SEPTIN9: variants seen among roughly 807,000 people sequenced by gnomAD.
SEPTIN9 encodes the protein septin 9, also known as septin-9.
Under a neutral mutation model 56.6 loss-of-function variants are expected in SEPTIN9, and 13 were observed. The observed-to-expected ratio is 0.23, with a 90% CI of 0.15 to 0.37. The LOEUF (loss-of-function observed/expected upper bound fraction) is 0.37. Ranked by LOEUF, SEPTIN9 falls within the 10% of genes least tolerant of loss-of-function variation. SEPTIN9 has a pLI of 1.00. For synonymous variants in SEPTIN9, 332 were observed against 334.1 expected (o/e 0.99, Z 0.07); for missense variants, 650 against 823.1 (o/e 0.79, Z 2.57).
chr17:77,416,081 C>T (rs1280885710), intron 3 of SEPTIN9, among the ~76,000 whole-genome samples: 3 of 152,236 alleles, frequency 2.0e-5, no homozygotes, highest in Non-Finnish European at 4.4e-5. Context: ...CAGCCCTGCA[C>T]GTGCACAGCC....
intron 2 of SEPTIN9, among the ~76,000 whole-genome samples, chr17:77,372,506 C>T (rs2034751486): frequency 6.6e-6 from 1 of 152,220 alleles, no homozygotes; most frequent in Admixed American, 6.5e-5. Context: ...TCTGCTCACT[C>T]ACTGCCTAGC....
chr17:77,292,943 A>T (rs749401481), intron 1 of SEPTIN9, among the ~76,000 whole-genome samples: 17 of 152,090 alleles, frequency 1.1e-4, no homozygotes, highest in Non-Finnish European at 1.3e-4. Flanking sequence ...CGGTTTGTTC[A>T]TAGGGTATGT....
At position 77,449,271 on chromosome 17, in the gene SEPTIN9, G is replaced by A. The variant is rs938077474; in HGVS notation, c.722-32873G>A. Among the ~76,000 whole-genome samples, 2 of 152,130 alleles carry A rather than the reference G, an allele frequency of 1.3e-5. No homozygotes were observed. Among genetic ancestry groups the A allele is most frequent in the East Asian group, 3.8e-4 (2 of 5,196 alleles). On this transcript the variant is annotated intron_variant, in intron 3 of 11. Transcript: ENST00000427177. This position sits in a 1 kb window ranked among gnomAD's most constrained non-coding sequence, Gnocchi z 4.6. ...GTGCTGAAGGACAGAGGCTTTGTGT[G>A]GGGGATGCAGCCCCAGGCCGGAGAT...
intron 3 of SEPTIN9, among the ~76,000 whole-genome samples, chr17:77,414,703 G>A (rs1271136172): frequency 8.0e-5 from 12 of 149,940 alleles, no homozygotes; most frequent in Middle Eastern, 3.5e-3. Context: ...ATGGCCTCCC[G>A]AGTAGCTGAG....
rs1050098928 is a variant in SEPTIN9, at chr17:77,398,540, G to A, written c.77-3519G>A. On this transcript the variant is annotated intron_variant, in intron 2 of 11. Transcript: ENST00000427177. ...TGGCATGCTCGTTTGGGGGGATGGC[G>A]TGAGCCAGGGTGGGCACCTCTTCAT... is the stretch of plus-strand genomic sequence containing the variant. 4.6e-5 allele frequency among the ~76,000 whole-genome samples: 7 copies of A among 152,322 alleles called. No individual in the cohort carries two copies. The East Asian group carries it at 9.7e-4, about 21-fold the overall frequency.
intron 2 of SEPTIN9, among the ~76,000 whole-genome samples, chr17:77,372,050 A>T (rs1436576903): frequency 6.6e-6 from 1 of 152,138 alleles, no homozygotes; most frequent in African/African-American, 2.4e-5. Flanking sequence ...CCTCAGACCC[A>T]GGATGAGCTG....
chr17:77,376,268 G>A, intron 2 of SEPTIN9: 1 of 986,068 alleles, frequency 1.0e-6, no homozygotes, highest in Non-Finnish European at 1.2e-6. Flanking sequence ...GGAGGGCCAG[G>A]CATGCCCGCC....
rs1217942062 is a variant in SEPTIN9, at chr17:77,393,459, CA to C, written c.77-8599del. On this transcript the variant is annotated intron_variant, in intron 2 of 11. Transcript: ENST00000427177. ...GTAAGGCCAGGACAGCCTTGGTCAC[CA>C]GCAAGGTGACCACACATTTCAGCAT... 2.0e-5 allele frequency among the ~76,000 whole-genome samples: 3 copies of C among 152,182 alleles called. No individual in the cohort carries two copies. In the East Asian group the frequency reaches 5.8e-4, roughly 29 times the overall value.
At position 77,499,182 on chromosome 17, in the gene SEPTIN9, T is replaced by C. The variant is rs983422310; in HGVS notation, c.*524T>C. 9.2e-6 allele frequency: 5 copies of C among 540,774 alleles called. No individual in the cohort carries two copies. Among genetic ancestry groups the C allele is most frequent in the African/African-American group, 7.4e-5 (4 of 54,024 alleles). The allele number at this position is 540,774 out of a possible 1,614,324, so 33.5% of individuals were successfully genotyped here. Reference sequence around the variant, plus strand: ...CATGGTGTGGCCATCACTCAGCCCCTACCCCTGCCCTGCTCCTAAGGGTAG... The same window carrying C: ...CATGGTGTGGCCATCACTCAGCCCCCACCCCTGCCCTGCTCCTAAGGGTAG... On this transcript the variant is annotated 3_prime_UTR_variant, in exon 12 of 12. Coordinates refer to ENST00000427177, the MANE Select transcript of SEPTIN9 (RefSeq NM_001113491.2).
intron 2 of SEPTIN9, among the ~76,000 whole-genome samples, chr17:77,368,121 A>G (rs2034623608): frequency 6.6e-6 from 1 of 152,228 alleles, no homozygotes; most frequent in East Asian, 1.9e-4. Context: ...TCATAGAGAA[A>G]TTGGAATGAC....
At position 77,371,586 on chromosome 17, in the gene SEPTIN9, A is replaced by T. The variant is rs1324677562; in HGVS notation, c.77-30473A>T. On this transcript the variant is annotated intron_variant, in intron 2 of 11. Coordinates refer to ENST00000427177, the MANE Select transcript of SEPTIN9 (RefSeq NM_001113491.2). The surrounding 1 kb of genome is among the most constrained non-coding windows in gnomAD (Gnocchi z 4.1). ...GAGTTTCTTAGGTACTGGACCCCCA[A>T]ATCCCCAAATACGGCGTGGACAGGT... Among the ~76,000 whole-genome samples, 1 of 152,188 alleles carries T rather than the reference A, an allele frequency of 6.6e-6. No individual in the cohort carries two copies. The highest frequency in any genetic ancestry group is 1.5e-5 in the Non-Finnish European group (1 of 68,036).
rs886096591 is a variant in SEPTIN9, at chr17:77,470,359, C to T, written c.722-11785C>T. On this transcript the variant is annotated intron_variant, in intron 3 of 11. Transcript: ENST00000427177. ...TCATCTATCCATCCACTCATCTACC[C>T]ATCCACTTATCCATCCATCCACTCA... 2.0e-5 allele frequency among the ~76,000 whole-genome samples: 3 copies of T among 151,830 alleles called. 1 individual carries two copies. Among genetic ancestry groups the T allele is most frequent in the Admixed American group, 2.0e-4 (3 of 15,250 alleles).
At chr17:77,488,632 A>G (rs2039896207) in intron 6 of SEPTIN9, 95 bp from the exon 7 acceptor site, 1 of 1,528,782 alleles carries the variant, frequency 6.5e-7, no homozygotes, top group Non-Finnish European at 9.0e-7. Flanking sequence ...ATTTCATTGG[A>G]AGGTGGGGTG....
intron 2 of SEPTIN9, among the ~76,000 whole-genome samples, chr17:77,338,166 C>T (rs1282920120): frequency 1.3e-5 from 2 of 151,442 alleles, no homozygotes; most frequent in African/African-American, 4.9e-5. Context: ...CACTGTACTC[C>T]AGACTGGGTG....
chr17:77,482,847 A>C (rs900752946), intron 4 of SEPTIN9: 1 of 444,498 alleles, frequency 2.2e-6, no homozygotes, highest in Non-Finnish European at 4.1e-6. Context: ...GTCGATCAGC[A>C]CGACCTGGGC....
In SEPTIN9 at chr17:77,405,337, T is replaced by C. The variant is rs909107295; in HGVS notation, c.721+2634T>C. 7.2e-5 allele frequency among the ~76,000 whole-genome samples: 11 copies of C among 151,848 alleles called. No individual in the cohort carries two copies. Among genetic ancestry groups the C allele is most frequent in the African/African-American group, 2.7e-4 (11 of 41,288 alleles). ...AGTGTCCAGGGAGCTTCCCCAGCAG[T>C]GGAAGTACAATTTCATCAGGCCAGG... On this transcript the variant is annotated intron_variant, in intron 3 of 11. Transcript: ENST00000427177. The surrounding 1 kb of genome is among the most constrained non-coding windows in gnomAD (Gnocchi z 5.8).
In SEPTIN9 at chr17:77,400,103, A is replaced by C. The variant is rs1334749106; in HGVS notation, c.77-1956A>C. Among the ~76,000 whole-genome samples the C allele has an allele frequency of 6.6e-6, 1 of 152,154 alleles. No homozygotes were observed. The highest frequency in any genetic ancestry group is 1.5e-5 in the Non-Finnish European group (1 of 68,032). On this transcript the variant is annotated intron_variant, in intron 2 of 11. Transcript: ENST00000427177. This position sits in a 1 kb window ranked among gnomAD's most constrained non-coding sequence, Gnocchi z 4.1. The stretch of plus-strand genomic sequence containing the variant: ...GCGATTCTCCTGCCTCAGCCTCCTG[A>C]GTAGCTGGGACTATAGGCGAGTGTC...
intron 3 of SEPTIN9, chr17:77,466,680 G>T (rs571455750): frequency 5.2e-4 from 328 of 631,722 alleles, no homozygotes; most frequent in Admixed American, 1.0e-3. Flanking sequence ...AGACCCTGGG[G>T]GCTCCCTCAT....
chr17:77,373,170 C>G, intron 2 of SEPTIN9: 1 of 1,058,718 alleles, frequency 9.4e-7, no homozygotes, highest in East Asian at 5.9e-5. Context: ...TGTCCCCCAG[C>G]GGCCACTCGG....
Sources: gnomAD v4.1 joint callset for allele counts (sites outside exome capture counted in the v4.1 genomes callset) on GRCh38, gnomAD v4.1.1 for gene constraint, Gnocchi (gnomAD v3.1) non-coding constraint, MANE v1.5 for transcripts, NCBI Gene and HGNC (gene_info 2026-07-23, HGNC 2026-07-21) for gene names.